Variants in METTL3 observed in about 807,000 individuals in gnomAD.
METTL3 encodes the protein methyltransferase 3, N6-adenosine-methyltransferase complex catalytic subunit.
A neutral mutation model predicts 64.3 loss-of-function variants in METTL3; 42 were observed. The observed-to-expected ratio is 0.65, with a 90% CI of 0.51 to 0.84. The LOEUF (loss-of-function observed/expected upper bound fraction) is 0.84, where lower values mean the gene tolerates loss of function less well. Among genes scored for constraint, METTL3 ranks in the 40% least tolerant of loss-of-function variants. The pLI, the probability that METTL3 is intolerant of heterozygous loss-of-function variation, is 0.00. For synonymous variants in METTL3, 256 were observed against 263.6 expected (o/e 0.97, Z 0.28); for missense variants, 435 against 722.3 (o/e 0.60, Z 4.56).
Position 21,511,328 on chromosome 14 carries a change from C to A in METTL3, c.-105G>T, listed in dbSNP as rs1594448457. On this transcript the variant is annotated 5_prime_UTR_variant, in exon 1 of 11. Transcript: ENST00000298717. ...AATTCTCACGCGGACACCCCGAAGG[C>A]TAACCGGAAAATGACCCCTGGAGCT... The A allele has an allele frequency of 1.4e-6, 2 of 1,474,356 alleles. No individual in the cohort carries two copies. Among genetic ancestry groups the A allele is most frequent in the Non-Finnish European group, 1.8e-6 (2 of 1,107,908 alleles). The allele number at this position is 1,474,356 out of a possible 1,614,324, so 91.3% of individuals were successfully genotyped here.
At chr14:21,502,655 T>C (rs1432234297) in intron 3 of METTL3, 2 of 155,858 alleles carry the variant, frequency 1.3e-5, no homozygotes, top group Non-Finnish European at 2.8e-5. Flanking sequence ...ATTAACTTGT[T>C]CAAACTCACG....
In METTL3 at chr14:21,498,986, T is replaced by TA. The variant is rs772213731; in HGVS notation, c.1631+38dup. 22 of 1,365,072 alleles carry TA rather than the reference T, an allele frequency of 1.6e-5. No homozygotes were observed. In the East Asian group the frequency reaches 5.0e-4, roughly 31 times the overall value. 84.6% of individuals were successfully genotyped at this position (1,365,072 alleles called of 1,614,324 possible). ...AAGTTCTGTCCTTAATCATAAATAA[T>TA]AGCCCCTTGAGGACTAGCCTGTTCT... On this transcript the variant is annotated intron_variant, in intron 10 of 10. Transcript: ENST00000298717.
Position 21,498,317 on chromosome 14 carries a change from C to T in METTL3, c.1684G>A (p.Val562Ile). ...DGIHLLDPDVVARFKQRYPDG... is the reference protein window; with the variant it reads ...DGIHLLDPDVIARFKQRYPDG... Reference sequence around the variant, plus strand: ...GGGTACCTTTGCTTGAACCGTGCAACCACATCTGGGTCTAGTAGGTGGATC... The same window carrying T: ...GGGTACCTTTGCTTGAACCGTGCAATCACATCTGGGTCTAGTAGGTGGATC... The change falls in exon 11 of 11, where the codon GTT becomes ATT. Residue 562 changes from valine to isoleucine, a missense_variant. Coordinates refer to ENST00000298717, the MANE Select transcript of METTL3 (RefSeq NM_019852.5). 1 of 1,614,118 alleles carries T rather than the reference C, an allele frequency of 6.2e-7. No individual in the cohort carries two copies. Among genetic ancestry groups the T allele is most frequent in the Non-Finnish European group, 8.5e-7 (1 of 1,180,002 alleles).
intron 6 of METTL3, 124 bp downstream of exon 6, chr14:21,500,367 AAAAG>A (rs1432440224): frequency 0.014 from 12,181 of 840,642 alleles, 2 homozygotes; most frequent in Admixed American, 0.033. Context: ...CTCTCAAAAA[AAAAG>A]AAAAAAAGAC....
At position 21,499,050 on chromosome 14, in the gene METTL3, G is replaced by A. The variant is rs760376268; in HGVS notation, c.1606C>T (p.Arg536Ter). The A allele has an allele frequency of 1.1e-5, 17 of 1,613,738 alleles. No individual in the cohort carries two copies. Among genetic ancestry groups the A allele is most frequent in the East Asian group, 2.2e-5 (1 of 44,902 alleles). Residue 536 changes from arginine (R) to a stop codon, truncating the protein, a stop_gained, in exon 10 of 11, where the codon CGA (arginine) becomes TGA (stop). Transcript: ENST00000298717. LOFTEE classifies it high-confidence loss of function. ...PGTRKIELFG[R>*]PHNVQPNWIT... ...CAGTTGGGTTGCACATTGTGTGGTC[G>A]TCCAAATAACTCAATCTTGCGAGTG... is the stretch of plus-strand genomic sequence containing the variant.
In METTL3 at chr14:21,501,922, T is replaced by C; in HGVS notation, c.724-19A>G. 1.2e-6 allele frequency: 2 copies of C among 1,612,140 alleles called. No individual in the cohort carries two copies. The highest frequency in any genetic ancestry group is 1.3e-5 in the African/African-American group (1 of 74,960). On this transcript the variant is annotated intron_variant, in intron 3 of 10. Transcript: ENST00000298717. Reference sequence around the variant, plus strand: ...GACTGACCTGTGACAGAAGTAGCCTTGGACTTAAAATGTCTTATAGATCAA... The same window carrying C: ...GACTGACCTGTGACAGAAGTAGCCTCGGACTTAAAATGTCTTATAGATCAA...
chr14:21,500,365 AAAAAAG>A, intron 6 of METTL3, 124 bp downstream of exon 6: 45 of 844,814 alleles, frequency 5.3e-5, no homozygotes, highest in Non-Finnish European at 6.2e-5. Flanking sequence ...CTCTCTCAAA[AAAAAAG>A]AAAAAAAGAC....
chr14:21,499,019 C>A lies in METTL3; in HGVS notation c.1631+6G>T. 1 of 1,604,424 alleles carries A rather than the reference C, an allele frequency of 6.2e-7. No individual in the cohort carries two copies. The highest frequency in any genetic ancestry group is 8.5e-7 in the Non-Finnish European group (1 of 1,171,194). On this transcript the variant is annotated splice_donor_region_variant and intron_variant, in intron 10 of 10. Transcript: ENST00000298717. ...TGAGGACTAGCCTGTTCTCTGGTCA[C>A]CTTACCAGTTGGGTTGCACATTGTG...
At chr14:21,506,719 T>C (rs182970091) in intron 1 of METTL3, among the ~76,000 whole-genome samples, 1 of 152,028 alleles carries the variant, frequency 6.6e-6, no homozygotes, top group South Asian at 2.1e-4. Context: ...TGGAATATTA[T>C]TTATCCTTCA....
chr14:21,510,452 T>C (rs1162794041), intron 1 of METTL3: 2 of 152,248 alleles, frequency 1.3e-5, no homozygotes, highest in African/African-American at 4.8e-5. Flanking sequence ...ATTCAGAGTT[T>C]GTCCTGAGGG....
At position 21,501,829 on chromosome 14, in the gene METTL3, A is replaced by C; in HGVS notation, c.798T>G (p.Ser266=). ...KEQSIVEKFR[S]RGRAQVQEFC... is the part of the protein sequence containing the mutation. ...ATTCTTGCACTTGGGCCCGACCTCG[A>C]GAGCGAAATTTTTCAACAATGGATT... The change falls in exon 4 of 11, where the codon TCT becomes TCG. Residue 266 remains serine, a synonymous_variant. Coordinates refer to ENST00000298717, the MANE Select transcript of METTL3 (RefSeq NM_019852.5). The C allele has an allele frequency of 5.6e-6, 9 of 1,614,120 alleles. No homozygotes were observed. The highest frequency in any genetic ancestry group is 6.8e-6 in the Non-Finnish European group (8 of 1,180,014).
chr14:21,503,268 C>T lies in METTL3; in HGVS notation c.628G>A (p.Ala210Thr), dbSNP rs1311814215. The T allele has an allele frequency of 5.6e-6, 9 of 1,614,082 alleles. No homozygotes were observed. The South Asian group carries it at 8.8e-5, about 16-fold the overall frequency. Residue 210 changes from alanine to threonine, a missense_variant, in exon 3 of 11, where the codon GCC (alanine) becomes ACC (threonine). Ala to Thr is a moderately conservative substitution (Grantham distance 58). Around this residue, in one of 9 missense-constraint regions of METTL3, gnomAD observed 228 missense variants for 279.6 expected, o/e 0.82. Coordinates refer to ENST00000298717, the MANE Select transcript of METTL3 (RefSeq NM_019852.5). ...GCAGCATGTTTCCTTGATTTCTTGG[C>T]TGGCTCCTTTGCTGGTTCCGATGCT... ...SSASEPAKEPAKKSRKHAASD... is the reference protein window; with the variant it reads ...SSASEPAKEPTKKSRKHAASD...
At position 21,498,182 on chromosome 14, in the gene METTL3, A is replaced by C; in HGVS notation, c.*76T>G. The C allele has an allele frequency of 4.8e-5, 39 of 819,180 alleles. No individual in the cohort carries two copies. Among genetic ancestry groups the C allele is most frequent in the Non-Finnish European group, 7.9e-5 (38 of 478,980 alleles). The allele number at this position is 819,180 out of a possible 1,614,324, so 50.7% of individuals were successfully genotyped here. On this transcript the variant is annotated 3_prime_UTR_variant, in exon 11 of 11. Transcript: ENST00000298717. ...GTTTATTTAAATAAAGAAGAAAGCT[A>C]TTGTACAAATATCACTCTTCAGGTT...
chr14:21,509,248 G>A (rs1350903535), intron 1 of METTL3, among the ~76,000 whole-genome samples: 1 of 152,176 alleles, frequency 6.6e-6, no homozygotes. Context: ...GCTGAAGTGG[G>A]AGGATCGCTG....
intron 5 of METTL3, 112 bp from the exon 6 acceptor site, chr14:21,500,794 C>T (rs965668455): frequency 1.4e-5 from 20 of 1,416,612 alleles, no homozygotes; most frequent in African/African-American, 8.6e-5. Context: ...ATCTATCCCC[C>T]TCCATTCCCA....
At chr14:21,498,936 G>T in intron 10 of METTL3, 89 bp downstream of exon 10, 1 of 868,324 alleles carries the variant, frequency 1.2e-6, no homozygotes, top group Non-Finnish European at 1.9e-6. Context: ...TTATGGACTA[G>T]TGTAAAACAA....
chr14:21,500,766 C>T, intron 5 of METTL3, 84 bp from the exon 6 acceptor site: 2 of 1,493,542 alleles, frequency 1.3e-6, no homozygotes, highest in Non-Finnish European at 1.8e-6. Flanking sequence ...TTGATTTTTC[C>T]TATTCCCTTA....
intron 4 of METTL3, chr14:21,501,459 T>G (rs1408191883): frequency 1.8e-6 from 1 of 562,620 alleles, no homozygotes; most frequent in African/African-American, 1.9e-5. Flanking sequence ...CAGAGTACTT[T>G]AACTTTCACT....
Position 21,511,168 on chromosome 14 carries a change from C to T in METTL3, c.56G>A (p.Arg19Gln), listed in dbSNP as rs1419335903. The part of the protein sequence containing the change: ...QAHKKQLDSL[R>Q]ERLQRRRKQD... ...CTTCCGCCTCCGCTGCAGCCTCTCC[C>T]GCAGAGAGTCCAGCTGCTTCTTGTG... Residue 19 changes from arginine to glutamine, a missense_variant, in exon 1 of 11, where the codon CGG (arginine) becomes CAG (glutamine). By Grantham distance (43) the Arg-to-Gln change is conservative. Coordinates refer to ENST00000298717, the MANE Select transcript of METTL3 (RefSeq NM_019852.5). The T allele has an allele frequency of 1.2e-6, 2 of 1,613,984 alleles. No homozygotes were observed. Among genetic ancestry groups the T allele is most frequent in the African/African-American group, 1.3e-5 (1 of 74,906 alleles).
Sources: allele counts gnomAD v4.1 joint callset (sites outside exome capture counted in the v4.1 genomes callset), GRCh38; gene constraint gnomAD v4.1.1; regional missense constraint gnomAD v4.1.1; transcripts MANE v1.5; gene names NCBI Gene and HGNC (gene_info 2026-07-23, HGNC 2026-07-21).